TTBK2: variants seen among roughly 807,000 people sequenced by gnomAD.
The protein encoded by TTBK2 is tau tubulin kinase 2, also known as tau-tubulin kinase 2.
In TTBK2, 28 loss-of-function variants were observed where a neutral mutation model predicts 110.8. The ratio of observed to expected loss-of-function variants is 0.25; its 90% CI spans 0.19 to 0.35. The LOEUF is 0.35. Among genes scored for constraint, TTBK2 ranks in the 10% least tolerant of loss-of-function variants. The pLI, the probability that TTBK2 is intolerant of heterozygous loss-of-function variation, is 1.00. For missense variants in TTBK2, 1,369 were observed against 1,500.3 expected, an observed-to-expected ratio of 0.91 and a Z score of 1.45; for synonymous variants, 532 against 527.3, an observed-to-expected ratio of 1.01 and a Z score of -0.12.
In TTBK2 at chr15:42,777,089, G is replaced by A. The variant is rs770140491; in HGVS notation, c.1351C>T (p.Leu451=). The change falls in exon 12 of 15, where the codon CTG becomes TTG. Residue 451 remains leucine (L), a synonymous_variant. Transcript: ENST00000267890. The part of the protein sequence containing the change: ...RKLRSIHSFE[L]EKRLTLEPKP... ...GGCTCCAGGGTCAGACGTTTTTCCA[G>A]CTCAAAGCTGTGAATGGAACGTAAC... 1.2e-6 allele frequency: 2 copies of A among 1,614,114 alleles called. No homozygotes were observed. Among genetic ancestry groups the A allele is most frequent in the Non-Finnish European group, 1.7e-6 (2 of 1,180,018 alleles).
intron 6 of TTBK2, among the ~76,000 whole-genome samples, chr15:42,827,503 G>C (rs1201817981): frequency 6.6e-6 from 1 of 152,184 alleles, no homozygotes; most frequent in African/African-American, 2.4e-5. Context: ...AGCCATTATA[G>C]ATATGTTTTC....
chr15:42,745,676 T>C lies in TTBK2; in HGVS notation c.*119A>G. ...GTCTTCTTATAAATAATTGATCATGTTACTTTCTTTTGCAAGAGAAGATCA... is the reference window on the plus strand; with the variant it reads ...GTCTTCTTATAAATAATTGATCATGCTACTTTCTTTTGCAAGAGAAGATCA... On this transcript the variant is annotated 3_prime_UTR_variant, in exon 15 of 15. Transcript: ENST00000267890. 8.3e-7 allele frequency: 1 copy of C among 1,206,474 alleles called. No homozygotes were observed. The highest frequency in any genetic ancestry group is 1.2e-6 in the Non-Finnish European group (1 of 815,656). The allele number at this position is 1,206,474 out of a possible 1,614,324, so 74.7% of individuals were successfully genotyped here.
At chr15:42,839,312 T>C (rs145465157) in intron 4 of TTBK2, among the ~76,000 whole-genome samples, 5 of 152,348 alleles carry the variant, frequency 3.3e-5, no homozygotes, top group African/African-American at 1.2e-4. Context: ...TATTTCATGG[T>C]ATACACGTAC....
intron 10 of TTBK2, among the ~76,000 whole-genome samples, chr15:42,789,088 G>T (rs959511261): frequency 7.9e-5 from 12 of 151,998 alleles, no homozygotes; most frequent in African/African-American, 2.7e-4. Context: ...TTATGTCCAA[G>T]ACTTCTGAAA....
chr15:42,752,498 T>C lies in TTBK2; in HGVS notation c.2748A>G (p.Leu916=). ...GTTCATTCTCTGAAACACAATGAAA[T>C]AGTTCTCCATTTCTAGGGGTGATTT... The part of the protein sequence containing the change: ...REKITPRNGE[L]FHCVSENEHG... Residue 916 remains leucine, a synonymous_variant, in exon 14 of 15, where the codon CTA becomes CTG. Coordinates refer to ENST00000267890, the MANE Select transcript of TTBK2 (RefSeq NM_173500.4). 3 of 1,614,184 alleles carry C rather than the reference T, an allele frequency of 1.9e-6. No individual in the cohort carries two copies. The highest frequency in any genetic ancestry group is 2.5e-6 in the Non-Finnish European group (3 of 1,180,034).
intron 13 of TTBK2, among the ~76,000 whole-genome samples, chr15:42,774,892 T>G (rs1889832757): frequency 6.6e-6 from 1 of 152,264 alleles, no homozygotes; most frequent in African/African-American, 2.4e-5. Flanking sequence ...ATTAAAAATG[T>G]TATTCTAAAA....
chr15:42,830,136 G>T, intron 4 of TTBK2, 58 bp from the exon 5 acceptor site: 1 of 1,600,844 alleles, frequency 6.2e-7, no homozygotes, highest in East Asian at 2.2e-5. Context: ...TATAAGAGAA[G>T]ACTGGGAAAC....
chr15:42,799,301 C>T lies in TTBK2; in HGVS notation c.823-4500G>A, dbSNP rs1345436746. On this transcript the variant is annotated intron_variant, in intron 9 of 14. Coordinates refer to ENST00000267890, the MANE Select transcript of TTBK2 (RefSeq NM_173500.4). ...AGGAAAATGGTGTGAACCTGGGACG[C>T]GGAGCTTGCAGTGAGTGGAGATCAT... is the stretch of plus-strand genomic sequence containing the variant. 5.3e-5 allele frequency among the ~76,000 whole-genome samples: 8 copies of T among 151,954 alleles called. No homozygotes were observed. In the South Asian group the frequency reaches 1.5e-3, roughly 28 times the overall value.
chr15:42,835,923 T>C (rs920064262), intron 4 of TTBK2, among the ~76,000 whole-genome samples: 1 of 152,208 alleles, frequency 6.6e-6, no homozygotes. Flanking sequence ...CTCTACTTTG[T>C]GTATGTTTAA....
intron 9 of TTBK2, among the ~76,000 whole-genome samples, chr15:42,805,015 T>G (rs1891399426): frequency 6.6e-6 from 1 of 152,204 alleles, no homozygotes. Context: ...AACACACAGC[T>G]GAATTTAAGA....
intron 14 of TTBK2, among the ~76,000 whole-genome samples, chr15:42,747,768 A>T (rs953603352): frequency 3.3e-5 from 5 of 152,308 alleles, no homozygotes; most frequent in Admixed American, 3.3e-4. Flanking sequence ...TAATAATAAA[A>T]CTATGGTAAT....
intron 13 of TTBK2, among the ~76,000 whole-genome samples, chr15:42,754,885 G>A (rs186733769): frequency 1.3e-5 from 2 of 150,968 alleles, no homozygotes; most frequent in African/African-American, 4.8e-5. Context: ...GCACATGCCT[G>A]TAATCCCAGA....
At chr15:42,899,498 T>C (rs931947712) in intron 1 of TTBK2, among the ~76,000 whole-genome samples, 1 of 151,732 alleles carries the variant, frequency 6.6e-6, no homozygotes, top group African/African-American at 2.4e-5. Context: ...CCCAGCACTT[T>C]GGGAGGCCGA....
chr15:42,859,581 A>G (rs1391849474), intron 3 of TTBK2, among the ~76,000 whole-genome samples: 3 of 152,174 alleles, frequency 2.0e-5, no homozygotes, highest in African/African-American at 4.8e-5. Context: ...TAATAATAGG[A>G]CTATGGAATG....
chr15:42,765,573 G>C (rs375366141), intron 13 of TTBK2, among the ~76,000 whole-genome samples: 1 of 152,166 alleles, frequency 6.6e-6, no homozygotes, highest in East Asian at 1.9e-4. Context: ...AGAGAAAAAA[G>C]AGTAAAAAGA....
intron 6 of TTBK2, among the ~76,000 whole-genome samples, chr15:42,825,094 G>C (rs1352372662): frequency 6.6e-6 from 1 of 151,918 alleles, no homozygotes; most frequent in Non-Finnish European, 1.5e-5. Context: ...CTGTGCAACA[G>C]AACAAGACCC....
intron 1 of TTBK2, among the ~76,000 whole-genome samples, chr15:42,916,101 A>C (rs546978519): frequency 7.4e-4 from 112 of 152,348 alleles, no homozygotes; most frequent in Middle Eastern, 3.4e-3. Flanking sequence ...GGAAGTTAAA[A>C]AGAGAACTGA....
intron 4 of TTBK2, among the ~76,000 whole-genome samples, chr15:42,837,869 G>C (rs1183467939): frequency 6.6e-6 from 1 of 152,008 alleles, no homozygotes; most frequent in East Asian, 1.9e-4. Flanking sequence ...TTTAGGCCAG[G>C]ATCTATGTCT....
intron 3 of TTBK2, among the ~76,000 whole-genome samples, chr15:42,868,049 T>G (rs903676927): frequency 9.2e-5 from 14 of 152,194 alleles, no homozygotes; most frequent in African/African-American, 3.4e-4. Context: ...TGTATGATTC[T>G]AAATATATGA....
Sources: gnomAD v4.1 joint callset for allele counts (sites outside exome capture counted in the v4.1 genomes callset) on GRCh38, gnomAD v4.1.1 for gene constraint, MANE v1.5 for transcripts, NCBI Gene and HGNC (gene_info 2026-07-23, HGNC 2026-07-21) for gene names.